The following DST variants were observed in gnomAD, a reference collection of about 807,000 sequenced individuals.
The protein encoded by DST is bullous pemphigoid antigen.
A neutral mutation model predicts 875.2 loss-of-function variants in DST; 253 were observed. The observed-to-expected ratio is 0.29, with a 90% CI of 0.26 to 0.32. DST has a LOEUF of 0.32. Ranked by LOEUF, DST falls within the 10% of genes least tolerant of loss-of-function variation. DST has a pLI of 1.00. For synonymous variants in DST, 3,124 were observed against 3,197.1 expected (o/e 0.98, Z 0.77); for missense variants, 8,287 against 9,111.6 (o/e 0.91, Z 3.68).
intron 2 of DST, among the ~76,000 whole-genome samples, chr6:56,946,167 G>A (rs568152829): frequency 6.6e-6 from 1 of 152,288 alleles, no homozygotes; most frequent in South Asian, 2.1e-4. Context: ...GGGCCAGAAA[G>A]GGGCAGGGGA....
chr6:56,553,257 A>G lies in DST; in HGVS notation c.15535T>C (p.Trp5179Arg), dbSNP rs2152556031. Residue 5179 changes from tryptophan (W) to arginine (R), a missense_variant, in exon 61 of 104, where the codon TGG becomes CGG. By Grantham distance (101) the Trp-to-Arg change is moderately radical. This residue lies in a region of DST where 1,513 missense variants were observed against 1,677.8 expected (regional missense o/e 0.90). Transcript: ENST00000680361. ...TTTTGGCATTTGTCTATCCATGGCC[A>G]GAGAGTCTCTACTTGCTCTTTATAC... ...LKYKEQVETL[W>R]PWIDKCQNNL... The G allele has an allele frequency of 6.2e-7, 1 of 1,613,844 alleles. No individual in the cohort carries two copies. The highest frequency in any genetic ancestry group is 8.5e-7 in the Non-Finnish European group (1 of 1,179,904).
intron 36 of DST, chr6:56,618,855 TC>T (rs753147485): frequency 6.2e-7 from 1 of 1,614,194 alleles, no homozygotes; most frequent in East Asian, 2.2e-5. Context: ...TCCTCTATGG[TC>T]TTTAAGTGTA....
chr6:56,520,382 G>T (rs1476988465), intron 69 of DST, among the ~76,000 whole-genome samples: 1 of 152,122 alleles, frequency 6.6e-6, no homozygotes, highest in African/African-American at 2.4e-5. Context: ...TAGCTTTGTG[G>T]TTGACAAAAG....
chr6:56,845,727 T>C (rs1281484397), intron 4 of DST, among the ~76,000 whole-genome samples: 3 of 152,216 alleles, frequency 2.0e-5, no homozygotes, highest in South Asian at 2.1e-4. Flanking sequence ...AGTAAGGTCA[T>C]TGAAGGCACG....
chr6:56,695,094 T>A (rs1227372062), intron 9 of DST, among the ~76,000 whole-genome samples: 1 of 132,478 alleles, frequency 7.5e-6, no homozygotes, highest in Non-Finnish European at 1.5e-5. Flanking sequence ...ACCGCTGCAC[T>A]CCAGTCTGGG....
intron 4 of DST, among the ~76,000 whole-genome samples, chr6:56,807,501 C>G (rs1194539276): frequency 1.3e-5 from 2 of 152,178 alleles, no homozygotes; most frequent in Non-Finnish European, 2.9e-5. Context: ...ACATTTAAAG[C>G]TATCATCATC....
rs756655608 is a variant in DST, at chr6:56,604,292, G to T, written c.10336C>A (p.Leu3446Ile). 7.4e-6 allele frequency: 12 copies of T among 1,611,908 alleles called. No individual in the cohort carries two copies. In the South Asian group the frequency reaches 1.3e-4, roughly 18 times the overall value. Residue 3446 changes from leucine (L) to isoleucine (I), a missense_variant, in exon 40 of 104, where the codon CTT (leucine) becomes ATT (isoleucine). This residue lies in a region of DST where 3,138 missense variants were observed against 3,116.6 expected (regional missense o/e 1.01). Coordinates refer to ENST00000680361, the MANE Select transcript of DST (RefSeq NM_001374736.1). ...CIGNLKSELLLNILKQDQHSQ... is the reference protein window; with the variant it reads ...CIGNLKSELLINILKQDQHSQ... Reference sequence around the variant, plus strand: ...TGTTGATCTTGCTTCAATATATTAAGGAGAAGCTCAGACTTAAGATTTCCA... The same window carrying T: ...TGTTGATCTTGCTTCAATATATTAATGAGAAGCTCAGACTTAAGATTTCCA...
At chr6:56,850,816 G>A (rs889899701) in intron 4 of DST, among the ~76,000 whole-genome samples, 2 of 152,230 alleles carry the variant, frequency 1.3e-5, no homozygotes, top group Non-Finnish European at 2.9e-5. Context: ...CACATCTCAT[G>A]TATTAATTAA....
At chr6:56,507,536 A>T (rs2096357323) in intron 75 of DST, among the ~76,000 whole-genome samples, 1 of 152,258 alleles carries the variant, frequency 6.6e-6, no homozygotes, top group Admixed American at 6.5e-5. Context: ...TAAGTATACA[A>T]GAAAAGGTTT....
intron 3 of DST, among the ~76,000 whole-genome samples, chr6:56,858,141 G>A (rs925602000): frequency 1.3e-5 from 2 of 152,182 alleles, no homozygotes; most frequent in Admixed American, 1.3e-4. Flanking sequence ...TCTGTTAGGG[G>A]AGATATGCAG....
intron 49 of DST, among the ~76,000 whole-genome samples, chr6:56,582,601 C>CT (rs112850619): frequency 0.046 from 6,615 of 144,936 alleles, 394 homozygotes; most frequent in African/African-American, 0.14. Context: ...TATTTCTTTT[C>CT]TTTTTTTTTT....
intron 4 of DST, among the ~76,000 whole-genome samples, chr6:56,845,720 A>G (rs1204864822): frequency 6.6e-6 from 1 of 152,236 alleles, no homozygotes; most frequent in African/African-American, 2.4e-5. Context: ...TACAATGAGT[A>G]AGGTCATTGA....
At chr6:56,634,998 C>A in intron 24 of DST, 45 bp from the exon 25 acceptor site, 1 of 1,467,216 alleles carries the variant, frequency 6.8e-7, no homozygotes, top group South Asian at 1.1e-5. Context: ...AAGACTTGTA[C>A]TCTCCATGCC....
At chr6:56,619,635 G>C in intron 36 of DST, 2 of 1,613,592 alleles carry the variant, frequency 1.2e-6, no homozygotes, top group Non-Finnish European at 1.7e-6. Context: ...TGATAATTGC[G>C]CTTTATTTTC....
intron 4 of DST, among the ~76,000 whole-genome samples, chr6:56,789,178 T>G (rs954373310): frequency 4.3e-4 from 65 of 152,258 alleles, no homozygotes; most frequent in African/African-American, 1.3e-3. Flanking sequence ...AAAAAAAATT[T>G]TTTTTAATTA....
rs148433688 is a variant in DST at position 56,788,282 on chromosome 6, A to G, written c.626-52993T>C. 3.4e-3 allele frequency among the ~76,000 whole-genome samples: 515 copies of G among 150,468 alleles called. 4 individuals carry two copies. Among genetic ancestry groups the G allele is most frequent in the African/African-American group, 0.012 (500 of 40,900 alleles). ...CAGCGGCACGATCTCTGCTCACTGC[A>G]GCCTCCGCCTCCCAGTTCAAGCAAT... On this transcript the variant is annotated intron_variant, in intron 4 of 103. Transcript: ENST00000680361.
At chr6:56,496,261 C>T (rs2095899250) in intron 82 of DST, among the ~76,000 whole-genome samples, 1 of 152,088 alleles carries the variant, frequency 6.6e-6, no homozygotes, top group Admixed American at 6.6e-5. Context: ...TCACAGTCCC[C>T]ATTTCTATGA....
chr6:56,659,654 G>A (rs768160078), intron 10 of DST, among the ~76,000 whole-genome samples: 4 of 152,100 alleles, frequency 2.6e-5, no homozygotes, highest in Non-Finnish European at 4.4e-5. Flanking sequence ...AATGATGGAG[G>A]ATATTGCCAC....
intron 3 of DST, among the ~76,000 whole-genome samples, chr6:56,898,500 A>C (rs983375775): frequency 1.3e-5 from 2 of 152,088 alleles, no homozygotes; most frequent in East Asian, 1.9e-4. Flanking sequence ...AGATTAGAAG[A>C]AGCAAAGAAT....
Sources: allele counts gnomAD v4.1 joint callset (sites outside exome capture counted in the v4.1 genomes callset), GRCh38; gene constraint gnomAD v4.1.1; regional missense constraint gnomAD v4.1.1; transcripts MANE v1.5; gene names NCBI Gene and HGNC (gene_info 2026-07-23, HGNC 2026-07-21).